Variants in ZNF407 observed in about 807,000 individuals in gnomAD.
ZNF407 encodes the protein zinc finger protein 407.
A neutral mutation model predicts 131.2 loss-of-function variants in ZNF407; 17 were observed. The observed-to-expected ratio is 0.13, with a 90% confidence interval of 0.09 to 0.19. ZNF407 has a LOEUF of 0.19. ZNF407 is among the 10% of genes least tolerant of loss of function. The probability of loss-of-function intolerance (pLI) is 1.00; values close to 1 mark genes in which losing one functional copy is unlikely to be tolerated. For missense variants in ZNF407, 2,681 were observed against 2,830.6 expected (o/e 0.95, Z 1.20); for synonymous variants, 1,156 against 1,062.0 (o/e 1.09, Z -1.72).
At position 74,979,733 on chromosome 18, in the gene ZNF407, CT is replaced by C. The variant is rs776584284; in HGVS notation, c.5428+59043del. Among the ~76,000 whole-genome samples the C allele has an allele frequency of 6.6e-5, 10 of 152,102 alleles. No individual in the cohort carries two copies. The East Asian group carries it at 1.9e-3, about 29-fold the overall frequency. ...AATACATCATGAAATAATGTTCGACCTTAATAGTAGCCAGAGAAGTATAAAA... is the reference window on the plus strand; with the variant it reads ...AATACATCATGAAATAATGTTCGACCTAATAGTAGCCAGAGAAGTATAAAA... On this transcript the variant is annotated intron_variant, in intron 8 of 8. Transcript: ENST00000299687.
intron 8 of ZNF407, among the ~76,000 whole-genome samples, chr18:74,930,214 G>A (rs1971966412): frequency 6.6e-6 from 1 of 152,144 alleles, no homozygotes; most frequent in Non-Finnish European, 1.5e-5. Flanking sequence ...TTGTTATTTT[G>A]TAGAATGTCT....
At chr18:75,049,078 C>T (rs1230595663) in intron 8 of ZNF407, among the ~76,000 whole-genome samples, 1 of 104,952 alleles carries the variant, frequency 9.5e-6, no homozygotes, top group African/African-American at 3.8e-5. Context: ...ATAACACTGG[C>T]CGGTAGTATT....
At chr18:74,759,434 C>T (rs886795884) in intron 3 of ZNF407, among the ~76,000 whole-genome samples, 1 of 151,982 alleles carries the variant, frequency 6.6e-6, no homozygotes, top group Non-Finnish European at 1.5e-5. Flanking sequence ...TCTTTTCCTG[C>T]CCTCTTCTTA....
chr18:74,768,193 G>T (rs770516166), intron 3 of ZNF407, among the ~76,000 whole-genome samples: 1 of 152,074 alleles, frequency 6.6e-6, no homozygotes, highest in Admixed American at 6.6e-5. Context: ...TGTTGGACAG[G>T]TTGGCACATC....
chr18:74,929,714 G>T (rs529181550), intron 8 of ZNF407, among the ~76,000 whole-genome samples: 49 of 152,238 alleles, frequency 3.2e-4, no homozygotes, highest in African/African-American at 1.1e-3. Flanking sequence ...AGCTGAAGCC[G>T]TTTACTAAAG....
chr18:75,016,413 CTT>C (rs1422908630), intron 8 of ZNF407, among the ~76,000 whole-genome samples: 2 of 152,106 alleles, frequency 1.3e-5, no homozygotes, highest in Non-Finnish European at 2.9e-5. Context: ...ATCATCACAA[CTT>C]TTACTATTTC....
intron 3 of ZNF407, among the ~76,000 whole-genome samples, chr18:74,725,164 T>G (rs1968128666): frequency 6.6e-6 from 1 of 152,142 alleles, no homozygotes; most frequent in Non-Finnish European, 1.5e-5. Flanking sequence ...GAGACAGAGT[T>G]TCACTCCTTC....
At chr18:74,617,820 A>C in intron 1 of ZNF407, among the ~76,000 whole-genome samples, 1 of 152,320 alleles carries the variant, frequency 6.6e-6, no homozygotes, top group Admixed American at 6.5e-5. Flanking sequence ...GAGATGCTTT[A>C]ACACCATGCA....
intron 1 of ZNF407, among the ~76,000 whole-genome samples, chr18:74,611,687 T>C (rs1216800130): frequency 6.6e-6 from 1 of 152,220 alleles, no homozygotes; most frequent in Non-Finnish European, 1.5e-5. Flanking sequence ...AAAGTTGAGA[T>C]ACCTGTATCC....
At chr18:74,672,578 A>C (rs145244131) in intron 3 of ZNF407, among the ~76,000 whole-genome samples, 125 of 132,868 alleles carry the variant, frequency 9.4e-4, no homozygotes, top group Non-Finnish European at 1.5e-3. Flanking sequence ...TGTTCATTGG[A>C]GCACTGTTTG....
chr18:74,714,473 T>C (rs1310741217), intron 3 of ZNF407, among the ~76,000 whole-genome samples: 1 of 152,240 alleles, frequency 6.6e-6, no homozygotes, highest in African/African-American at 2.4e-5. Flanking sequence ...TCTTGCTTTG[T>C]TAGCTTAATA....
chr18:74,862,165 T>A (rs1220046058), intron 4 of ZNF407, among the ~76,000 whole-genome samples: 1 of 152,242 alleles, frequency 6.6e-6, no homozygotes, highest in Admixed American at 6.5e-5. Flanking sequence ...ATAATTCCTT[T>A]GTTAACTACA....
rs1277708044 is a variant in ZNF407, at chr18:75,065,558, T to C, written c.*1090T>C. 2 of 152,252 alleles carry C rather than the reference T, an allele frequency of 1.3e-5. No individual in the cohort carries two copies. Among genetic ancestry groups the C allele is most frequent in the Non-Finnish European group, 2.9e-5 (2 of 68,048 alleles). 9.4% of individuals were successfully genotyped at this position (152,252 alleles called of 1,614,324 possible). On this transcript the variant is annotated 3_prime_UTR_variant, in exon 9 of 9. Coordinates refer to ENST00000299687, the MANE Select transcript of ZNF407 (RefSeq NM_017757.3). ...TCTGTCATAATCATTTGTTTCCTGATACAATTGTTCTTATTCTTTTCCAAA... is the reference window on the plus strand; with the variant it reads ...TCTGTCATAATCATTTGTTTCCTGACACAATTGTTCTTATTCTTTTCCAAA...
intron 8 of ZNF407, among the ~76,000 whole-genome samples, chr18:75,023,099 T>C (rs1474210220): frequency 6.6e-6 from 1 of 152,058 alleles, no homozygotes; most frequent in Admixed American, 6.5e-5. Flanking sequence ...AAACACCACA[T>C]GTTCTCACTT....
chr18:74,863,190 G>T lies in ZNF407; in HGVS notation c.4878-14007G>T, dbSNP rs190419213. 1.1e-4 allele frequency among the ~76,000 whole-genome samples: 16 copies of T among 151,496 alleles called. No homozygotes were observed. In the East Asian group the frequency reaches 2.9e-3, roughly 28 times the overall value. ...CCCACCTCGGCCTCCCAAATTGCTGGGATTACAGGTGTGAGCCACCGCACC... is the reference window on the plus strand; with the variant it reads ...CCCACCTCGGCCTCCCAAATTGCTGTGATTACAGGTGTGAGCCACCGCACC... On this transcript the variant is annotated intron_variant, in intron 4 of 8. Coordinates refer to ENST00000299687, the MANE Select transcript of ZNF407 (RefSeq NM_017757.3).
intron 1 of ZNF407, among the ~76,000 whole-genome samples, chr18:74,622,899 T>TGA (rs1372738347): frequency 2.3e-3 from 3 of 1,300 alleles, no homozygotes; most frequent in Non-Finnish European, 5.0e-3. Context: ...AGTGCGTGTC[T>TGA]GTTTTAGTGT....
intron 3 of ZNF407, among the ~76,000 whole-genome samples, chr18:74,721,448 A>G (rs969224698): frequency 1.3e-5 from 2 of 152,192 alleles, no homozygotes; most frequent in Non-Finnish European, 2.9e-5. Context: ...AGGAAGTCAC[A>G]TTGTCCCTGT....
At chr18:75,046,963 A>T (rs1228080082) in intron 8 of ZNF407, among the ~76,000 whole-genome samples, 1 of 152,208 alleles carries the variant, frequency 6.6e-6, no homozygotes, top group Non-Finnish European at 1.5e-5. Flanking sequence ...GTATCTGAAG[A>T]AAAAGGGAAG....
intron 3 of ZNF407, among the ~76,000 whole-genome samples, chr18:74,755,981 C>T (rs1968952778): frequency 1.5e-5 from 2 of 131,202 alleles, no homozygotes; most frequent in Admixed American, 1.9e-4. Context: ...GCAACCTCTG[C>T]CTCCCAAGTT....
Sources: gnomAD v4.1 joint callset for allele counts (sites outside exome capture counted in the v4.1 genomes callset) on GRCh38, gnomAD v4.1.1 for gene constraint, MANE v1.5 for transcripts, NCBI Gene and HGNC (gene_info 2026-07-23, HGNC 2026-07-21) for gene names.